The following TAP1 variants were observed in gnomAD, a reference collection of about 807,000 sequenced individuals.
TAP1 encodes transporter 1, ATP binding cassette subfamily B member, also known as antigen peptide transporter 1.
In TAP1, 56 loss-of-function variants were observed where a neutral mutation model predicts 79.3. The observed-to-expected ratio is 0.71, with a 90% CI of 0.57 to 0.88. TAP1 has a LOEUF of 0.88. Among genes scored for constraint, TAP1 ranks in the 40% least tolerant of loss-of-function variants. The probability of loss-of-function intolerance (pLI) is 0.00; values close to 1 mark genes in which losing one functional copy is unlikely to be tolerated. For synonymous variants in TAP1, 355 were observed against 401.4 expected, an observed-to-expected ratio of 0.88 and a Z score of 1.38; for missense variants, 737 against 936.3, an observed-to-expected ratio of 0.79 and a Z score of 2.78.
rs758374418 is a variant in TAP1 at position 32,847,946 on chromosome 6, T to C, written c.1713A>G (p.Gln571=). The C allele has an allele frequency of 3.1e-6, 5 of 1,612,986 alleles. No homozygotes were observed. Among genetic ancestry groups the C allele is most frequent in the East Asian group, 2.2e-5 (1 of 44,894 alleles). ...QLLLDGKPLP[Q]YEHRYLHRQV... The stretch of plus-strand genomic sequence containing the variant: ...GCCTGTGCAGGTAGCGGTGCTCATA[T>C]TGGGGAAGGGGCTTCCCATCCAACA... The change falls in exon 8 of 11, where the codon CAA becomes CAG. Residue 571 remains glutamine (Q), a synonymous_variant. Coordinates refer to ENST00000354258, the MANE Select transcript of TAP1 (RefSeq NM_000593.6). The surrounding 1 kb of genome is among the most constrained non-coding windows in gnomAD (Gnocchi z 4.7).
Position 32,848,053 on chromosome 6 carries a change from G to A in TAP1, c.1606C>T (p.Leu536=), listed in dbSNP as rs1562365741. 6.2e-7 allele frequency: 1 copy of A among 1,612,906 alleles called. No homozygotes were observed. The highest frequency in any genetic ancestry group is 8.5e-7 in the Non-Finnish European group (1 of 1,179,928). ...FTLRPGEVTA[L]VGPNGSGKST... ...TTCCCAGACCCATTGGGTCCCACCA[G>A]CGCCGTCACCTCGCCAGGGCGTAGG... The change falls in exon 8 of 11, where the codon CTG becomes TTG. Residue 536 remains leucine, a synonymous_variant. Coordinates refer to ENST00000354258, the MANE Select transcript of TAP1 (RefSeq NM_000593.6).
rs746365477 is a variant in TAP1, at chr6:32,848,644, G to T, written c.1566+8C>A. 8 of 1,613,728 alleles carry T rather than the reference G, an allele frequency of 5.0e-6. No individual in the cohort carries two copies. Among genetic ancestry groups the T allele is most frequent in the African/African-American group, 1.3e-5 (1 of 75,036 alleles). On this transcript the variant is annotated splice_region_variant and intron_variant, in intron 7 of 10. Coordinates refer to ENST00000354258, the MANE Select transcript of TAP1 (RefSeq NM_000593.6). ...GGCCAGTGGAATACAGGGAGTGGTAGGTTGTACCTGTAGCACTAAGACATC... is the reference window on the plus strand; with the variant it reads ...GGCCAGTGGAATACAGGGAGTGGTATGTTGTACCTGTAGCACTAAGACATC...
chr6:32,849,045 C>A lies in TAP1; in HGVS notation c.1322G>T (p.Ser441Ile). ...GAGAACAAATGTGACAAGGTTCCCA[C>A]TGCTTACAGCCCCACTGGTCACCAG... Reference protein sequence around the residue: ...GQLVTSGAVSSGNLVTFVLYQ... With the variant: ...GQLVTSGAVSIGNLVTFVLYQ... The change falls in exon 6 of 11, where the codon AGT becomes ATT. Residue 441 changes from serine (S) to isoleucine (I), a missense_variant. Transcript: ENST00000354258. 6.2e-7 allele frequency: 1 copy of A among 1,605,434 alleles called. No individual in the cohort carries two copies. Among genetic ancestry groups the A allele is most frequent in the East Asian group, 2.2e-5 (1 of 44,668 alleles).
At chr6:32,846,983 T>A (rs1372465617) in intron 10 of TAP1, 85 bp downstream of exon 10, 1 of 1,586,576 alleles carries the variant, frequency 6.3e-7, no homozygotes, top group Non-Finnish European at 8.6e-7. Flanking sequence ...GTTTGTATAA[T>A]TATGATGTTA....
rs1295153924 is a variant in TAP1, at chr6:32,851,458, G to A, written c.845-309C>T. ...CCCATGCTATACACACAGGCAGGAA[G>A]AGCTTAAACTGGTCACATAACAGAG... On this transcript the variant is annotated intron_variant, in intron 3 of 10. Coordinates refer to ENST00000354258, the MANE Select transcript of TAP1 (RefSeq NM_000593.6). This position sits in a 1 kb window ranked among gnomAD's most constrained non-coding sequence, Gnocchi z 4.8. Among the ~76,000 whole-genome samples, 3 of 152,200 alleles carry A rather than the reference G, an allele frequency of 2.0e-5. No individual in the cohort carries two copies. Among genetic ancestry groups the A allele is most frequent in the Admixed American group, 6.5e-5 (1 of 15,278 alleles).
chr6:32,853,195 G>A lies in TAP1; in HGVS notation c.442C>T (p.Leu148=). The change falls in exon 1 of 11, where the codon CTG becomes TTG. Residue 148 remains leucine, a synonymous_variant. Coordinates refer to ENST00000354258, the MANE Select transcript of TAP1 (RefSeq NM_000593.6). This position sits in a 1 kb window ranked among gnomAD's most constrained non-coding sequence, Gnocchi z 8.3. ...TTGTGCCACAGGGCTGCTGCGGGCA[G>A]TGCCGCTGCATAACTGACAACGAAG... is the stretch of plus-strand genomic sequence containing the variant. ...TAFVVSYAAA[L]PAAALWHKLG... 1.9e-6 allele frequency: 3 copies of A among 1,612,354 alleles called. No individual in the cohort carries two copies. Among genetic ancestry groups the A allele is most frequent in the Non-Finnish European group, 1.7e-6 (2 of 1,179,746 alleles).
Position 32,852,884 on chromosome 6 carries a change from T to C in TAP1, c.598+155A>G. On this transcript the variant is annotated intron_variant, in intron 1 of 10. Transcript: ENST00000354258. The surrounding 1 kb of genome is among the most constrained non-coding windows in gnomAD (Gnocchi z 4.8). Reference sequence around the variant, plus strand: ...GCCCCCGCCAGTCCAGTGCCGTTTCTTCTACACCGAAGTGGTGTTCCAAGA... The same window carrying C: ...GCCCCCGCCAGTCCAGTGCCGTTTCCTCTACACCGAAGTGGTGTTCCAAGA... 6.9e-7 allele frequency: 1 copy of C among 1,447,734 alleles called. No homozygotes were observed. Among genetic ancestry groups the C allele is most frequent in the East Asian group, 2.5e-5 (1 of 40,274 alleles). The allele number at this position is 1,447,734 out of a possible 1,614,324, so 89.7% of individuals were successfully genotyped here.
Position 32,852,692 on chromosome 6 carries a change from C to A in TAP1, c.599-190G>T. On this transcript the variant is annotated intron_variant, in intron 1 of 10. Transcript: ENST00000354258. This position sits in a 1 kb window ranked among gnomAD's most constrained non-coding sequence, Gnocchi z 4.8. Reference sequence around the variant, plus strand: ...AACTCACTACCCTGTGGTTGCTCTACCAGAACTTTCAGGATTTTATTAGGA... The same window carrying A: ...AACTCACTACCCTGTGGTTGCTCTAACAGAACTTTCAGGATTTTATTAGGA... 6.8e-7 allele frequency: 1 copy of A among 1,474,106 alleles called. No homozygotes were observed. Among genetic ancestry groups the A allele is most frequent in the South Asian group, 1.4e-5 (1 of 73,446 alleles). The allele number at this position is 1,474,106 out of a possible 1,614,324, so 91.3% of individuals were successfully genotyped here.
At position 32,852,674 on chromosome 6, in the gene TAP1, T is replaced by C. The variant is rs913638847; in HGVS notation, c.599-172A>G. ...CTAAATAGGCTGCCCTGGAACTCACTACCCTGTGGTTGCTCTACCAGAACT... is the reference window on the plus strand; with the variant it reads ...CTAAATAGGCTGCCCTGGAACTCACCACCCTGTGGTTGCTCTACCAGAACT... On this transcript the variant is annotated intron_variant, in intron 1 of 10. Coordinates refer to ENST00000354258, the MANE Select transcript of TAP1 (RefSeq NM_000593.6). This position sits in a 1 kb window ranked among gnomAD's most constrained non-coding sequence, Gnocchi z 4.8. 2.0e-6 allele frequency: 3 copies of C among 1,498,158 alleles called. No homozygotes were observed. The highest frequency in any genetic ancestry group is 2.7e-6 in the Non-Finnish European group (3 of 1,127,272). The allele number at this position is 1,498,158 out of a possible 1,614,324, so 92.8% of individuals were successfully genotyped here.
chr6:32,847,079 T>C lies in TAP1; in HGVS notation c.2029A>G (p.Ser677Gly). ...GATGACTGCCTCACCTGTAACTGGC[T>C]GTTTGCATCCAGGGCACTGGTGGCA... is the stretch of plus-strand genomic sequence containing the variant. ...DDATSALDAN[S>G]QLQVEQLLYE... The change falls in exon 10 of 11, where the codon AGC becomes GGC. Residue 677 changes from serine (S) to glycine (G), a missense_variant. Physicochemically the swap from Ser to Gly is moderately conservative, Grantham distance 56. Coordinates refer to ENST00000354258, the MANE Select transcript of TAP1 (RefSeq NM_000593.6). The surrounding 1 kb of genome is among the most constrained non-coding windows in gnomAD (Gnocchi z 4.7). 1 of 1,612,824 alleles carries C rather than the reference T, an allele frequency of 6.2e-7. No individual in the cohort carries two copies. The highest frequency in any genetic ancestry group is 8.5e-7 in the Non-Finnish European group (1 of 1,180,036).
At position 32,851,168 on chromosome 6, in the gene TAP1, G is replaced by C; in HGVS notation, c.845-19C>G. 6.2e-7 allele frequency: 1 copy of C among 1,611,470 alleles called. No homozygotes were observed. Among genetic ancestry groups the C allele is most frequent in the South Asian group, 1.1e-5 (1 of 90,990 alleles). On this transcript the variant is annotated intron_variant, in intron 3 of 10. Transcript: ENST00000354258. The surrounding 1 kb of genome is among the most constrained non-coding windows in gnomAD (Gnocchi z 4.8). ...ATGTTACCTGCAGGGTTGGGGAGAA[G>C]AGAGTGAGGTGAATCAGACAGGTTC...
chr6:32,845,938 C>T lies in TAP1; in HGVS notation c.2041-153G>A, dbSNP rs1582623014. On this transcript the variant is annotated intron_variant, in intron 10 of 10. Coordinates refer to ENST00000354258, the MANE Select transcript of TAP1 (RefSeq NM_000593.6). The surrounding 1 kb of genome is among the most constrained non-coding windows in gnomAD (Gnocchi z 4.5). Reference sequence around the variant, plus strand: ...ACGTTTCCCATTCTGAGTACTTCTCCGCAAACCCTTTGTTTCATTAAGGAC... The same window carrying T: ...ACGTTTCCCATTCTGAGTACTTCTCTGCAAACCCTTTGTTTCATTAAGGAC... The T allele has an allele frequency of 7.3e-6, 5 of 685,264 alleles. No individual in the cohort carries two copies. The highest frequency in any genetic ancestry group is 6.3e-5 in the Admixed American group (3 of 47,426). The allele number at this position is 685,264 out of a possible 1,614,324, so 42.4% of individuals were successfully genotyped here.
intron 7 of TAP1, chr6:32,848,361 A>C (rs1770575349): frequency 1.4e-5 from 9 of 621,238 alleles, no homozygotes; most frequent in Non-Finnish European, 2.5e-5. Flanking sequence ...ATCACATTCC[A>C]AATTACAAAG....
At position 32,845,401 on chromosome 6, in the gene TAP1, C is replaced by T. The variant is rs893193330; in HGVS notation, c.*178G>A. The T allele has an allele frequency of 2.3e-5, 16 of 693,060 alleles. No homozygotes were observed. The highest frequency in any genetic ancestry group is 2.1e-4 in the African/African-American group (12 of 55,876). 42.9% of individuals were successfully genotyped at this position (693,060 alleles called of 1,614,324 possible). ...CCGTTACAGTAAGGAATTACAAATC[C>T]TGTGTTTGTACTCCAGGAAGTCTGC... On this transcript the variant is annotated 3_prime_UTR_variant, in exon 11 of 11. Coordinates refer to ENST00000354258, the MANE Select transcript of TAP1 (RefSeq NM_000593.6). This position sits in a 1 kb window ranked among gnomAD's most constrained non-coding sequence, Gnocchi z 4.5.
chr6:32,851,006 C>T lies in TAP1; in HGVS notation c.988G>A (p.Val330Ile). Residue 330 changes from valine (V) to isoleucine (I), a missense_variant, in exon 4 of 11, where the codon GTC becomes ATC. By Grantham distance (29) the Val-to-Ile change is conservative. Transcript: ENST00000354258. The surrounding 1 kb of genome is among the most constrained non-coding windows in gnomAD (Gnocchi z 4.8). The part of the protein sequence containing the change: ...MLWGSVSLTM[V>I]TLITLPLLFL... The stretch of plus-strand genomic sequence containing the variant: ...AGCAGAGGCAGGGTGATCAGGGTGA[C>T]CATGGTGAGGGACACTGATCCCCAG... 6.2e-7 allele frequency: 1 copy of T among 1,612,876 alleles called. No homozygotes were observed. The highest frequency in any genetic ancestry group is 1.1e-5 in the South Asian group (1 of 91,078).
chr6:32,847,064 T>C lies in TAP1; in HGVS notation c.2040+4A>G, dbSNP rs1196200832. ...TATAGCCATTAAGAAGATGACTGCC[T>C]CACCTGTAACTGGCTGTTTGCATCC... On this transcript the variant is annotated splice_donor_region_variant and intron_variant, in intron 10 of 10. Coordinates refer to ENST00000354258, the MANE Select transcript of TAP1 (RefSeq NM_000593.6). This position sits in a 1 kb window ranked among gnomAD's most constrained non-coding sequence, Gnocchi z 4.7. 6.2e-7 allele frequency: 1 copy of C among 1,612,310 alleles called. No homozygotes were observed. Among genetic ancestry groups the C allele is most frequent in the Non-Finnish European group, 8.5e-7 (1 of 1,180,026 alleles).
chr6:32,847,711 G>A lies in TAP1; in HGVS notation c.1741-36C>T, dbSNP rs16871026. The A allele has an allele frequency of 0.025, 41,026 of 1,610,300 alleles. 1,366 individuals carry two copies. The highest frequency in any genetic ancestry group is 0.14 in the African/African-American group (10,277 of 74,896). On this transcript the variant is annotated intron_variant, in intron 8 of 10. Coordinates refer to ENST00000354258, the MANE Select transcript of TAP1 (RefSeq NM_000593.6). This position sits in a 1 kb window ranked among gnomAD's most constrained non-coding sequence, Gnocchi z 4.7. Reference sequence around the variant, plus strand: ...ATATGATGAAGAGTCATAGAACAAGGCACATGGGAGTATGGTTATCTAGAG... The same window carrying A: ...ATATGATGAAGAGTCATAGAACAAGACACATGGGAGTATGGTTATCTAGAG...
rs1209138531 is a variant in TAP1, at chr6:32,847,772, C to G, written c.1741-97G>C. On this transcript the variant is annotated intron_variant, in intron 8 of 10. Transcript: ENST00000354258. This position sits in a 1 kb window ranked among gnomAD's most constrained non-coding sequence, Gnocchi z 4.7. The stretch of plus-strand genomic sequence containing the variant: ...CAAAATCTTTATTGAGAACATGTCA[C>G]AAAATCATACTACCTCCCTCCTGAC... 2.6e-6 allele frequency: 4 copies of G among 1,564,774 alleles called. No individual in the cohort carries two copies. The highest frequency in any genetic ancestry group is 1.1e-5 in the South Asian group (1 of 89,984).
rs768348425 is a variant in TAP1 at position 32,845,659 on chromosome 6, C to A, written c.2167G>T (p.Gly723Trp). The A allele has an allele frequency of 3.1e-6, 5 of 1,613,112 alleles. No individual in the cohort carries two copies. The highest frequency in any genetic ancestry group is 3.3e-5 in the Admixed American group (2 of 60,036). Residue 723 changes from glycine (G) to tryptophan (W), a missense_variant, in exon 11 of 11, where the codon GGG becomes TGG. Gly to Trp is a radical substitution (Grantham distance 184). Transcript: ENST00000354258. The surrounding 1 kb of genome is among the most constrained non-coding windows in gnomAD (Gnocchi z 4.5). ...TCCATGAGCTGCTGGTGGGTTCCCC[C>A]CTCCCGGATAGCGCCTCCTTCCAGA... ...LFLEGGAIRE[G>W]GTHQQLMEKK...
Sources: allele counts gnomAD v4.1 joint callset (sites outside exome capture counted in the v4.1 genomes callset), GRCh38; gene constraint gnomAD v4.1.1; non-coding constraint Gnocchi (gnomAD v3.1); transcripts MANE v1.5; gene names NCBI Gene and HGNC (gene_info 2026-07-23, HGNC 2026-07-21).